The following TMPRSS12 variants were observed in gnomAD, a reference collection of about 807,000 sequenced individuals.
The protein encoded by TMPRSS12 is transmembrane protease serine 12.
In TMPRSS12, 25 loss-of-function variants were observed where a neutral mutation model predicts 26.0. That is an observed-to-expected ratio of 0.96 (90% CI 0.70 to 1.34). TMPRSS12 has a LOEUF of 1.34. Ranked by LOEUF, TMPRSS12 falls within the 40% of genes most tolerant of loss-of-function variation. TMPRSS12 has a pLI of 0.00. For synonymous variants in TMPRSS12, 150 were observed against 161.7 expected (o/e 0.93, Z 0.55); for missense variants, 441 against 440.1 (o/e 1.00, Z -0.02).
intron 3 of TMPRSS12, among the ~76,000 whole-genome samples, chr12:50,883,857 C>T (rs1353690812): frequency 6.6e-6 from 1 of 152,018 alleles, no homozygotes; most frequent in African/African-American, 2.4e-5. Context: ...TAACAATTAG[C>T]TGGGCATGAT....
chr12:50,871,532 T>C (rs1243881496), intron 3 of TMPRSS12, among the ~76,000 whole-genome samples: 1 of 152,164 alleles, frequency 6.6e-6, no homozygotes, highest in Non-Finnish European at 1.5e-5. Flanking sequence ...GATATTGGCT[T>C]AGGCAAGGAT....
chr12:50,855,709 A>G (rs1937870070), intron 2 of TMPRSS12, among the ~76,000 whole-genome samples: 1 of 152,238 alleles, frequency 6.6e-6, no homozygotes, highest in Non-Finnish European at 1.5e-5. Context: ...TACTGGATAT[A>G]CACCTAAAGA....
intron 3 of TMPRSS12, among the ~76,000 whole-genome samples, chr12:50,882,292 A>G: frequency 7.5e-6 from 1 of 132,972 alleles, no homozygotes; most frequent in African/African-American, 3.4e-5. Flanking sequence ...TCTCTAAAAA[A>G]AAAAAAAAAA....
In TMPRSS12 at chr12:50,843,212, T is replaced by C. The variant is rs150587741; in HGVS notation, c.187+61T>C. 3,235 of 1,434,454 alleles carry C rather than the reference T, an allele frequency of 2.3e-3. 69 individuals are homozygous for C. The African/African-American group carries it at 0.04, about 18-fold the overall frequency. The allele number at this position is 1,434,454 out of a possible 1,614,324, so 88.9% of individuals were successfully genotyped here. A position where few individuals can be genotyped will look rare whatever the true frequency, so the allele number is the denominator to read the frequency against. On this transcript the variant is annotated intron_variant, in intron 1 of 4. Coordinates refer to ENST00000398458, the MANE Select transcript of TMPRSS12 (RefSeq NM_182559.3). The stretch of plus-strand genomic sequence containing the variant: ...TCTTACCTTTTCCCCACCGCTATAG[T>C]CTTTGAATTCGGGTTTCTCCTTTTC...
chr12:50,857,791 G>T (rs200432741), intron 2 of TMPRSS12, among the ~76,000 whole-genome samples: 19 of 53,146 alleles, frequency 3.6e-4, no homozygotes, highest in Admixed American at 1.1e-3. Flanking sequence ...TTAGTTTTTT[G>T]TTGTTGTTGT....
intron 3 of TMPRSS12, among the ~76,000 whole-genome samples, chr12:50,874,421 CAATAA>C (rs1361770048): frequency 1.3e-5 from 2 of 151,812 alleles, no homozygotes; most frequent in Non-Finnish European, 2.9e-5. Context: ...ATCTGAAAAT[CAATAA>C]AATAAAATAA....
intron 2 of TMPRSS12, among the ~76,000 whole-genome samples, chr12:50,849,495 G>A (rs1937804480): frequency 8.5e-6 from 1 of 118,204 alleles, no homozygotes; most frequent in Non-Finnish European, 1.8e-5. Flanking sequence ...ATTTAGAACA[G>A]TTCCATAACC....
At chr12:50,878,798 T>C (rs1358086564) in intron 3 of TMPRSS12, among the ~76,000 whole-genome samples, 4 of 152,310 alleles carry the variant, frequency 2.6e-5, no homozygotes, top group Middle Eastern at 3.4e-3. Context: ...TATTCAATAG[T>C]GGTACAATCT....
intron 3 of TMPRSS12, among the ~76,000 whole-genome samples, chr12:50,881,673 T>C (rs1242954149): frequency 6.6e-6 from 1 of 151,916 alleles, no homozygotes; most frequent in African/African-American, 2.4e-5. Context: ...TTTAGAAATA[T>C]ATATTTTTAG....
intron 2 of TMPRSS12, among the ~76,000 whole-genome samples, chr12:50,852,227 T>C (rs1003324215): frequency 9.2e-5 from 14 of 152,128 alleles, no homozygotes; most frequent in African/African-American, 3.4e-4. Context: ...AAACACCCCA[T>C]TTATAAGGCA....
In TMPRSS12 at chr12:50,843,808, C is replaced by T. The variant is rs769885115; in HGVS notation, c.188-34C>T. The T allele has an allele frequency of 1.3e-5, 20 of 1,540,496 alleles. No homozygotes were observed. The African/African-American group carries it at 2.5e-4, about 19-fold the overall frequency. On this transcript the variant is annotated intron_variant, in intron 1 of 4. Coordinates refer to ENST00000398458, the MANE Select transcript of TMPRSS12 (RefSeq NM_182559.3). ...TAGGAAGTAACACATACTATAGATG[C>T]TCAGTCCAAATAATATATCATTTTT... is the stretch of plus-strand genomic sequence containing the variant.
chr12:50,845,058 T>A (rs972721434), intron 2 of TMPRSS12, among the ~76,000 whole-genome samples: 1 of 152,160 alleles, frequency 6.6e-6, no homozygotes, highest in African/African-American at 2.4e-5. Context: ...AAACATGCTT[T>A]ATGGACTGTA....
intron 3 of TMPRSS12, among the ~76,000 whole-genome samples, chr12:50,875,757 A>G (rs1397121339): frequency 6.6e-6 from 1 of 152,162 alleles, no homozygotes; most frequent in Non-Finnish European, 1.5e-5. Context: ...TTAACTCAAG[A>G]TGGGTTAAAG....
intron 3 of TMPRSS12, among the ~76,000 whole-genome samples, chr12:50,871,584 G>T (rs1938042885): frequency 6.6e-6 from 1 of 152,130 alleles, no homozygotes; most frequent in Non-Finnish European, 1.5e-5. Context: ...TACAAACAAA[G>T]ATAAATAGCT....
chr12:50,868,576 A>G (rs541809004), intron 3 of TMPRSS12, among the ~76,000 whole-genome samples: 67 of 152,318 alleles, frequency 4.4e-4, no homozygotes, highest in African/African-American at 1.5e-3. Flanking sequence ...TACTGACAGC[A>G]CTAGATAGGT....
chr12:50,856,749 A>G (rs1345142375), intron 2 of TMPRSS12, among the ~76,000 whole-genome samples: 2 of 152,134 alleles, frequency 1.3e-5, no homozygotes, highest in African/African-American at 2.4e-5. Flanking sequence ...GCAGTGGCAT[A>G]GTCATGGCTC....
In TMPRSS12 at chr12:50,858,977, ACCTTTTGATGTTTT is replaced by A. The variant is rs762849692; in HGVS notation, c.579_592del (p.Phe194AsnfsTer21). 3 of 1,600,014 alleles carry A rather than the reference ACCTTTTGATGTTTT, an allele frequency of 1.9e-6. No individual in the cohort carries two copies. The South Asian group carries it at 3.4e-5, about 18-fold the overall frequency. ...ATGACTATATTCAGCCTATTTGCCT[ACCTTTTGATGTTTT>A]CCAAATCCTGGACGGAAACACAAAG... is the stretch of plus-strand genomic sequence containing the variant. On this transcript the variant is annotated frameshift_variant, in exon 3 of 5. Transcript: ENST00000398458. LOFTEE classifies it high-confidence loss of function.
chr12:50,854,293 G>T (rs1017208269), intron 2 of TMPRSS12, among the ~76,000 whole-genome samples: 2 of 152,048 alleles, frequency 1.3e-5, no homozygotes, highest in Non-Finnish European at 2.9e-5. Context: ...AACAAACTGG[G>T]CATTAAAGGA....
intron 3 of TMPRSS12, among the ~76,000 whole-genome samples, chr12:50,872,556 AAAT>A (rs1938057325): frequency 8.0e-6 from 1 of 125,682 alleles, no homozygotes; most frequent in Non-Finnish European, 1.7e-5. Context: ...ACTGTGAAAA[AAAT>A]ATATATATAT....
Sources: allele counts gnomAD v4.1 joint callset (sites outside exome capture counted in the v4.1 genomes callset), GRCh38; gene constraint gnomAD v4.1.1; transcripts MANE v1.5; gene names NCBI Gene and HGNC (gene_info 2026-07-23, HGNC 2026-07-21).